The following TMTC2 variants were observed in gnomAD, a reference collection of about 807,000 sequenced individuals.
TMTC2 encodes the protein protein O-mannosyl-transferase TMTC2.
TMTC2 carries 43 observed loss-of-function variants against 82.4 expected under a neutral mutation model. That is an observed-to-expected ratio of 0.52 (90% confidence interval 0.41 to 0.67). TMTC2 has a LOEUF of 0.67. Ranked by LOEUF, TMTC2 falls within the 30% of genes least tolerant of loss-of-function variation. The pLI is 0.00. For missense variants in TMTC2, 919 were observed against 1,012.4 expected (o/e 0.91, Z 1.25); for synonymous variants, 408 against 381.9 (o/e 1.07, Z -0.80).
At chr12:82,748,295 A>C (rs1321310003) in intron 1 of TMTC2, among the ~76,000 whole-genome samples, 1 of 151,940 alleles carries the variant, frequency 6.6e-6, no homozygotes, top group Non-Finnish European at 1.5e-5. Context: ...TGGGCGACAG[A>C]GTGTGACTGT....
intron 1 of TMTC2, among the ~76,000 whole-genome samples, chr12:82,822,959 A>G (rs1282444145): frequency 6.6e-6 from 1 of 152,174 alleles, no homozygotes; most frequent in Non-Finnish European, 1.5e-5. Flanking sequence ...ATGGGAGAAA[A>G]TGATAGATAA....
intron 2 of TMTC2, among the ~76,000 whole-genome samples, chr12:82,866,580 C>T (rs1592586853): frequency 1.3e-5 from 2 of 152,132 alleles, no homozygotes; most frequent in South Asian, 2.1e-4. Context: ...ATGCATATTA[C>T]ATCACTCAGC....
chr12:83,061,872 A>C (rs749536872), intron 11 of TMTC2, 41 bp downstream of exon 11: 6 of 1,468,054 alleles, frequency 4.1e-6, no homozygotes, highest in Admixed American at 2.1e-5. Context: ...AGAGGGATAG[A>C]CTCCAAGCAT....
chr12:82,842,099 A>G (rs1473951308), intron 1 of TMTC2, among the ~76,000 whole-genome samples: 1 of 152,214 alleles, frequency 6.6e-6, no homozygotes, highest in Non-Finnish European at 1.5e-5. Flanking sequence ...GCTGCTTTGA[A>G]GGTTAAATGG....
chr12:82,877,779 G>T (rs1872651665), intron 2 of TMTC2, among the ~76,000 whole-genome samples: 1 of 152,098 alleles, frequency 6.6e-6, no homozygotes, highest in Non-Finnish European at 1.5e-5. Context: ...ACTTGCCAAA[G>T]GAGCTTTAAA....
intron 7 of TMTC2, among the ~76,000 whole-genome samples, chr12:82,975,256 C>G (rs1042326003): frequency 6.6e-6 from 1 of 152,038 alleles, no homozygotes; most frequent in African/African-American, 2.4e-5. Flanking sequence ...ATGTATTTTG[C>G]TGTGTACTCA....
chr12:83,075,149 T>G (rs1033084644), intron 11 of TMTC2, among the ~76,000 whole-genome samples: 2 of 152,148 alleles, frequency 1.3e-5, no homozygotes, highest in African/African-American at 4.8e-5. Flanking sequence ...TTTCAGCTTC[T>G]CCAGTGGGGG....
chr12:82,760,820 G>T lies in TMTC2; in HGVS notation c.83+73151G>T, dbSNP rs902127850. ...TGTGAGGGATCTAGGTTTCATACTT[G>T]TTATGAAAATCTAATGCCTGATCAT... On this transcript the variant is annotated intron_variant, in intron 1 of 11. Transcript: ENST00000321196. 14 of 406,838 alleles carry T rather than the reference G, an allele frequency of 3.4e-5. 1 individual carries two copies. The highest frequency in any genetic ancestry group is 3.0e-4 in the African/African-American group (14 of 46,754). The allele number at this position is 406,838 out of a possible 1,614,324, so 25.2% of individuals were successfully genotyped here. A position where few individuals can be genotyped will look rare whatever the true frequency, so the allele number is the denominator to read the frequency against.
intron 3 of TMTC2, among the ~76,000 whole-genome samples, chr12:82,920,764 T>C (rs971733130): frequency 6.6e-6 from 1 of 152,196 alleles, no homozygotes; most frequent in Non-Finnish European, 1.5e-5. Flanking sequence ...TAATTATATA[T>C]GCTTAGTCTT....
chr12:82,840,328 C>T (rs1240305769), intron 1 of TMTC2, among the ~76,000 whole-genome samples: 2 of 152,202 alleles, frequency 1.3e-5, no homozygotes. Context: ...GTGTTTAACA[C>T]AGTGTGGATT....
intron 1 of TMTC2, among the ~76,000 whole-genome samples, chr12:82,794,227 C>G (rs751533956): frequency 1.6e-4 from 24 of 152,102 alleles, no homozygotes; most frequent in Non-Finnish European, 3.5e-4. Flanking sequence ...CTGGGGCGCC[C>G]TCCTCTCTCA....
At chr12:82,776,194 T>C (rs553136300) in intron 1 of TMTC2, among the ~76,000 whole-genome samples, 1 of 152,258 alleles carries the variant, frequency 6.6e-6, no homozygotes, top group African/African-American at 2.4e-5. Flanking sequence ...TGAAACTGCT[T>C]GCTTTATGTT....
intron 2 of TMTC2, among the ~76,000 whole-genome samples, chr12:82,876,022 T>C (rs1872473671): frequency 4.1e-5 from 4 of 97,146 alleles, no homozygotes; most frequent in Admixed American, 3.6e-4. Context: ...ATGGTAGTAG[T>C]GGTGGCGGTG....
In TMTC2 at chr12:83,134,795, T is replaced by C. The variant is rs1885383904; in HGVS notation, c.*2406T>C. ...ATTATCAAGATTTGTAGGCTTTCCT[T>C]TTGTAGAAATAATTGTTTTATGTGC... On this transcript the variant is annotated 3_prime_UTR_variant, in exon 12 of 12. Transcript: ENST00000321196. The C allele has an allele frequency of 6.6e-6, 1 of 152,206 alleles. No homozygotes were observed. Among genetic ancestry groups the C allele is most frequent in the African/African-American group, 2.4e-5 (1 of 41,460 alleles). 9.4% of individuals were successfully genotyped at this position (152,206 alleles called of 1,614,324 possible). A position where few individuals can be genotyped will look rare whatever the true frequency, so the allele number is the denominator to read the frequency against.
At position 82,862,022 on chromosome 12, in the gene TMTC2, T is replaced by C. The variant is rs1871579523; in HGVS notation, c.654+4442T>C. Among the ~76,000 whole-genome samples the C allele has an allele frequency of 2.0e-5, 3 of 152,276 alleles. No individual in the cohort carries two copies. The South Asian group carries it at 6.2e-4, about 32-fold the overall frequency. On this transcript the variant is annotated intron_variant, in intron 2 of 11. Transcript: ENST00000321196. ...AATGAGAATTTCATTCCTGAGTTAG[T>C]GGGGTCTGGAAGGTAGGGTTGGAAG... is the stretch of plus-strand genomic sequence containing the variant.
chr12:83,070,950 C>T (rs768555287), intron 11 of TMTC2, among the ~76,000 whole-genome samples: 12 of 151,920 alleles, frequency 7.9e-5, no homozygotes, highest in East Asian at 5.9e-4. Flanking sequence ...GAGATAATCA[C>T]GTGATTTTTG....
chr12:82,976,532 C>T (rs898896129), intron 7 of TMTC2, among the ~76,000 whole-genome samples: 1 of 151,964 alleles, frequency 6.6e-6, no homozygotes, highest in African/African-American at 2.4e-5. Context: ...CTTTTCCTAA[C>T]TTTTCTCAAA....
chr12:82,965,031 C>G lies in TMTC2; in HGVS notation c.1606C>G (p.Leu536Val), dbSNP rs1414578062. ...TCTGTTTTCCTCATGCAGAGGGCTA[C>G]TTCTCCAGGAGAACAGCAGGTTTGC... is the stretch of plus-strand genomic sequence containing the variant. ...MADMLYNLGL[L>V]LQENSRFAEA... is the part of the protein sequence containing the mutation. The change falls in exon 5 of 12, where the codon CTT becomes GTT. Residue 536 changes from leucine to valine, a missense_variant. Coordinates refer to ENST00000321196, the MANE Select transcript of TMTC2 (RefSeq NM_152588.3). The G allele has an allele frequency of 6.2e-7, 1 of 1,611,682 alleles. No individual in the cohort carries two copies. Among genetic ancestry groups the G allele is most frequent in the African/African-American group, 1.3e-5 (1 of 74,794 alleles).
intron 11 of TMTC2, among the ~76,000 whole-genome samples, chr12:83,123,940 A>C (rs550223072): frequency 6.6e-6 from 1 of 152,274 alleles, no homozygotes; most frequent in East Asian, 1.9e-4. Flanking sequence ...CTTTGTAGAC[A>C]CACCTGATTC....
Sources: gnomAD v4.1 joint callset for allele counts (sites outside exome capture counted in the v4.1 genomes callset) on GRCh38, gnomAD v4.1.1 for gene constraint, MANE v1.5 for transcripts, NCBI Gene and HGNC (gene_info 2026-07-23, HGNC 2026-07-21) for gene names.